The following LPCAT2 variants were observed in gnomAD, a reference collection of about 807,000 sequenced individuals.
LPCAT2 encodes lysophosphatidylcholine acyltransferase 2, also known as 1-AGP acyltransferase 11.
Under a neutral mutation model 64.7 loss-of-function variants are expected in LPCAT2, and 58 were observed. The ratio of observed to expected loss-of-function variants is 0.90; its 90% CI spans 0.73 to 1.12. LPCAT2 has a LOEUF of 1.12. Ranked by LOEUF, LPCAT2 falls within the 50% of genes most tolerant of loss-of-function variation. The pLI, the probability that LPCAT2 is intolerant of heterozygous loss-of-function variation, is 0.00. For synonymous variants in LPCAT2, 252 were observed against 245.3 expected (o/e 1.03, Z -0.26); for missense variants, 579 against 669.8 (o/e 0.86, Z 1.50).
intron 11 of LPCAT2, chr16:55,566,809 C>G (rs747644217): frequency 6.2e-7 from 1 of 1,613,682 alleles, no homozygotes; most frequent in Admixed American, 1.7e-5. Flanking sequence ...CTTGGAGAAG[C>G]TCTTGGAGGC....
chr16:55,567,339 C>T (rs770227927), intron 11 of LPCAT2: 40 of 1,613,540 alleles, frequency 2.5e-5, no homozygotes, highest in Non-Finnish European at 3.1e-5. Context: ...AATGATTGTC[C>T]GCCGGTATGC....
At chr16:55,509,433 T>C in intron 1 of LPCAT2, 81 bp downstream of exon 1, 4 of 1,181,124 alleles carry the variant, frequency 3.4e-6, no homozygotes, top group Non-Finnish European at 4.2e-6. Context: ...GGTGTGGGTC[T>C]GAGAGAGGAG....
chr16:55,517,705 C>T (rs1331632086), intron 1 of LPCAT2, among the ~76,000 whole-genome samples: 1 of 152,048 alleles, frequency 6.6e-6, no homozygotes, highest in Non-Finnish European at 1.5e-5. Context: ...TTAACATGAG[C>T]ACCATATTTA....
chr16:55,524,543 G>C (rs1329032618), intron 1 of LPCAT2, among the ~76,000 whole-genome samples: 1 of 151,812 alleles, frequency 6.6e-6, no homozygotes, highest in Non-Finnish European at 1.5e-5. Context: ...ACATTTCCTT[G>C]TGTTACTGTT....
intron 1 of LPCAT2, among the ~76,000 whole-genome samples, chr16:55,525,011 A>T (rs1460113371): frequency 1.3e-5 from 2 of 151,800 alleles, no homozygotes; most frequent in Non-Finnish European, 2.9e-5. Context: ...TTACTTTCTC[A>T]TCTATCTCCT....
intron 11 of LPCAT2, among the ~76,000 whole-genome samples, chr16:55,554,905 G>A (rs1276306908): frequency 2.0e-5 from 3 of 152,156 alleles, no homozygotes; most frequent in African/African-American, 7.2e-5. Context: ...ACTGGGAATG[G>A]CCAGTCAGTC....
At chr16:55,559,053 T>C (rs1348690881) in intron 11 of LPCAT2, among the ~76,000 whole-genome samples, 1 of 152,186 alleles carries the variant, frequency 6.6e-6, no homozygotes, top group Non-Finnish European at 1.5e-5. Context: ...GTATCATTCA[T>C]CTTCACAGAT....
chr16:55,557,021 CATATT>C (rs1216508453), intron 11 of LPCAT2: 1 of 152,168 alleles, frequency 6.6e-6, no homozygotes, highest in African/African-American at 2.4e-5. Flanking sequence ...GGTAGGCTGA[CATATT>C]ATTTTATAAT....
intron 6 of LPCAT2, among the ~76,000 whole-genome samples, chr16:55,533,859 T>G (rs1963289183): frequency 6.6e-6 from 1 of 152,192 alleles, no homozygotes; most frequent in African/African-American, 2.4e-5. Context: ...GAGAGGAACT[T>G]TCTTTACTAG....
intron 12 of LPCAT2, among the ~76,000 whole-genome samples, chr16:55,577,966 A>C (rs553818935): frequency 6.6e-6 from 1 of 152,296 alleles, no homozygotes; most frequent in Non-Finnish European, 1.5e-5. Context: ...AATCAAATCC[A>C]ACAAACGGTT....
At chr16:55,568,316 G>T (rs184884503) in intron 11 of LPCAT2, among the ~76,000 whole-genome samples, 3 of 152,176 alleles carry the variant, frequency 2.0e-5, no homozygotes, top group Non-Finnish European at 4.4e-5. Flanking sequence ...CCCTGTTGAC[G>T]TTAGCCAGCT....
chr16:55,514,932 A>T (rs200235529), intron 1 of LPCAT2, among the ~76,000 whole-genome samples: 1 of 110,346 alleles, frequency 9.1e-6, no homozygotes, highest in South Asian at 2.6e-4. Context: ...GTGTGTGTGT[A>T]TTCACTAGAG....
intron 11 of LPCAT2, among the ~76,000 whole-genome samples, chr16:55,557,193 TA>T (rs1239936433): frequency 5.9e-5 from 9 of 152,010 alleles, no homozygotes; most frequent in Non-Finnish European, 7.4e-5. Flanking sequence ...AATTAATGAT[TA>T]ATGCATTTTC....
Position 55,534,424 on chromosome 16 carries a change from A to T in LPCAT2, c.763-19A>T. 6.7e-7 allele frequency: 1 copy of T among 1,501,434 alleles called. No individual in the cohort carries two copies. Among genetic ancestry groups the T allele is most frequent in the Non-Finnish European group, 9.2e-7 (1 of 1,089,518 alleles). 93.0% of individuals were successfully genotyped at this position (1,501,434 alleles called of 1,614,324 possible). A position where few individuals can be genotyped will look rare whatever the true frequency, so the allele number is the denominator to read the frequency against. On this transcript the variant is annotated intron_variant, in intron 6 of 13. Transcript: ENST00000262134. ...ATTTTTCCTCCAGACCAACAGCTAA[A>T]ATAATTTTGTTATTATAGGATACTG...
intron 11 of LPCAT2, among the ~76,000 whole-genome samples, chr16:55,562,820 C>T (rs181631324): frequency 1.4e-4 from 21 of 151,782 alleles, no homozygotes; most frequent in Admixed American, 7.2e-4. Flanking sequence ...ATCATTAAGT[C>T]CTAGCTACTT....
Position 55,529,901 on chromosome 16 carries a change from T to C in LPCAT2, c.596T>C (p.Ile199Thr). Residue 199 changes from isoleucine to threonine, a missense_variant, in exon 4 of 14, where the codon ATA becomes ACA. Ile to Thr is a moderately conservative substitution (Grantham distance 89). Transcript: ENST00000262134. ...RVDPDSRKNT[I>T]NEIIKRTTSG... ...GATCCGGATTCCCGAAAAAACACAA[T>C]AAATGAAATAATAAAGCGAACAACA... The C allele has an allele frequency of 6.9e-7, 1 of 1,452,462 alleles. No individual in the cohort carries two copies. Among genetic ancestry groups the C allele is most frequent in the Non-Finnish European group, 9.1e-7 (1 of 1,095,774 alleles). 90.0% of individuals were successfully genotyped at this position (1,452,462 alleles called of 1,614,324 possible). A position where few individuals can be genotyped will look rare whatever the true frequency, so the allele number is the denominator to read the frequency against.
chr16:55,578,714 C>T (rs1358481813), intron 12 of LPCAT2, among the ~76,000 whole-genome samples: 2 of 152,154 alleles, frequency 1.3e-5, no homozygotes, highest in African/African-American at 4.8e-5. Context: ...GATCTAATTC[C>T]TGTTTGTCTC....
At chr16:55,512,704 G>A (rs1962950253) in intron 1 of LPCAT2, among the ~76,000 whole-genome samples, 1 of 152,184 alleles carries the variant, frequency 6.6e-6, no homozygotes, top group African/African-American at 2.4e-5. Flanking sequence ...GTAACAGCTG[G>A]AAGGAAGAAG....
intron 8 of LPCAT2, chr16:55,538,154 G>C (rs1963347327): frequency 6.5e-6 from 1 of 153,166 alleles, no homozygotes; most frequent in Non-Finnish European, 1.5e-5. Context: ...GTGGCAGGTA[G>C]TGAGAGAGGA....
Sources: gnomAD v4.1 joint callset for allele counts (sites outside exome capture counted in the v4.1 genomes callset) on GRCh38, gnomAD v4.1.1 for gene constraint, MANE v1.5 for transcripts, NCBI Gene and HGNC (gene_info 2026-07-23, HGNC 2026-07-21) for gene names.